The following EXOC2 variants were observed in gnomAD, a reference collection of about 807,000 sequenced individuals.
EXOC2 encodes the protein SEC5-like 1.
In EXOC2, 70 loss-of-function variants were observed where a neutral mutation model predicts 131.8. The observed-to-expected ratio is 0.53, with a 90% CI of 0.44 to 0.65. The LOEUF (loss-of-function observed/expected upper bound fraction) is 0.65, where lower values mean the gene tolerates loss of function less well. Ranked by LOEUF, EXOC2 falls within the 30% of genes least tolerant of loss-of-function variation. The pLI is 0.00. For missense variants in EXOC2, 923 were observed against 1,108.6 expected (o/e 0.83, Z 2.38); for synonymous variants, 411 against 398.4 (o/e 1.03, Z -0.38).
At chr6:559,325 A>C (rs951950166) in intron 17 of EXOC2, among the ~76,000 whole-genome samples, 1 of 152,242 alleles carries the variant, frequency 6.6e-6, no homozygotes, top group African/African-American at 2.4e-5. Context: ...TGGGATAAGC[A>C]ATGGGATTAT....
intron 7 of EXOC2, among the ~76,000 whole-genome samples, chr6:605,435 G>C (rs1760350904): frequency 6.6e-6 from 1 of 152,196 alleles, no homozygotes; most frequent in South Asian, 2.1e-4. Flanking sequence ...ACTTGGGAGG[G>C]TGTATGTGTC....
At chr6:490,026 A>G (rs1763333590) in intron 26 of EXOC2, among the ~76,000 whole-genome samples, 1 of 152,192 alleles carries the variant, frequency 6.6e-6, no homozygotes, top group Non-Finnish European at 1.5e-5. Context: ...CTGGTGTGGA[A>G]GCCACTGCCG....
intron 25 of EXOC2, among the ~76,000 whole-genome samples, chr6:495,396 T>C (rs1039530494): frequency 2.0e-5 from 3 of 150,858 alleles, no homozygotes; most frequent in African/African-American, 4.9e-5. Flanking sequence ...AGTGCTGGGA[T>C]TACAGGTGTG....
chr6:588,397 G>C (rs914958450), intron 11 of EXOC2, among the ~76,000 whole-genome samples: 6 of 152,202 alleles, frequency 3.9e-5, no homozygotes, highest in African/African-American at 1.4e-4. Flanking sequence ...CTGTTGCCCA[G>C]GCTGGAGTGC....
intron 7 of EXOC2, among the ~76,000 whole-genome samples, chr6:603,673 G>C (rs1760235310): frequency 6.6e-6 from 1 of 151,972 alleles, no homozygotes; most frequent in Non-Finnish European, 1.5e-5. Flanking sequence ...GCAAACGTCA[G>C]TTTCTTTTCC....
chr6:505,432 GTA>G (rs1399225135), intron 23 of EXOC2, among the ~76,000 whole-genome samples: 1 of 152,240 alleles, frequency 6.6e-6, no homozygotes, highest in Non-Finnish European at 1.5e-5. Context: ...TCATTACTGA[GTA>G]GTCACCTGGG....
chr6:611,216 C>T (rs1450653482), intron 6 of EXOC2, among the ~76,000 whole-genome samples: 1 of 152,220 alleles, frequency 6.6e-6, no homozygotes, highest in South Asian at 2.1e-4. Context: ...GAAAGCTAAA[C>T]TGGAAAGACT....
At chr6:498,554 G>A (rs147143149) in intron 24 of EXOC2, among the ~76,000 whole-genome samples, 131 of 152,298 alleles carry the variant, frequency 8.6e-4, no homozygotes, top group African/African-American at 3.1e-3. Flanking sequence ...AAACTCTATT[G>A]TTAGAGATGA....
intron 1 of EXOC2, among the ~76,000 whole-genome samples, chr6:647,698 C>T (rs1311336054): frequency 7.0e-6 from 1 of 143,858 alleles, no homozygotes; most frequent in Non-Finnish European, 1.5e-5. Context: ...ATTAGAATAC[C>T]TCTGGTCTCA....
At chr6:583,672 C>T (rs535406322) in intron 11 of EXOC2, among the ~76,000 whole-genome samples, 6 of 152,364 alleles carry the variant, frequency 3.9e-5, no homozygotes, top group Non-Finnish European at 5.9e-5. Flanking sequence ...TGTGCACATA[C>T]GCTGCATACA....
chr6:603,865 T>C (rs1008507202), intron 7 of EXOC2, among the ~76,000 whole-genome samples: 9 of 152,308 alleles, frequency 5.9e-5, no homozygotes, highest in Non-Finnish European at 1.3e-4. Flanking sequence ...TCCTTAAAAA[T>C]ATTTTCACTA....
Position 674,660 on chromosome 6 carries a change from G to T in EXOC2, c.-44+18359C>A, listed in dbSNP as rs537462778. ...ACTGTACTGATCTTTTCTCCTCTCT[G>T]CTACTAAATCCTAAAGCTGTGGTAC... On this transcript the variant is annotated intron_variant, in intron 1 of 27. Transcript: ENST00000230449. Among the ~76,000 whole-genome samples the T allele has an allele frequency of 6.6e-5, 10 of 152,032 alleles. No individual in the cohort carries two copies. In the East Asian group the frequency reaches 7.7e-4, roughly 12 times the overall value.
At chr6:489,708 C>A (rs1010241858) in intron 26 of EXOC2, among the ~76,000 whole-genome samples, 3 of 152,194 alleles carry the variant, frequency 2.0e-5, no homozygotes, top group African/African-American at 7.2e-5. Flanking sequence ...GTACCATTCA[C>A]AAAGGAACAG....
intron 11 of EXOC2, among the ~76,000 whole-genome samples, chr6:582,636 T>A (rs1405232442): frequency 1.8e-5 from 1 of 56,578 alleles, no homozygotes; most frequent in Non-Finnish European, 3.8e-5. Context: ...GGGGTGGGGG[T>A]GGGGGTGCGG....
chr6:498,378 ATGCT>A (rs1763858128), intron 24 of EXOC2, among the ~76,000 whole-genome samples: 1 of 152,222 alleles, frequency 6.6e-6, no homozygotes. Context: ...TACCGAAGAA[ATGCT>A]TGCAACAACT....
intron 1 of EXOC2, among the ~76,000 whole-genome samples, chr6:642,909 A>G (rs76865205): frequency 1.3e-5 from 2 of 151,250 alleles, no homozygotes; most frequent in Non-Finnish European, 2.9e-5. Context: ...TTAAAGTTGT[A>G]AAAGGCATTT....
chr6:608,239 G>A (rs184361883), intron 7 of EXOC2, among the ~76,000 whole-genome samples: 1 of 152,314 alleles, frequency 6.6e-6, no homozygotes, highest in Admixed American at 6.5e-5. Context: ...GGACTCTCTC[G>A]GGGCCAGAGC....
At chr6:659,481 C>T (rs560084572) in intron 1 of EXOC2, among the ~76,000 whole-genome samples, 1 of 152,302 alleles carries the variant, frequency 6.6e-6, no homozygotes, top group African/African-American at 2.4e-5. Flanking sequence ...AATCTCAGAC[C>T]CTCTGAAGGA....
chr6:606,824 A>T (rs985166685), intron 7 of EXOC2, among the ~76,000 whole-genome samples: 1 of 152,174 alleles, frequency 6.6e-6, no homozygotes, highest in Non-Finnish European at 1.5e-5. Context: ...GTCACTCTCC[A>T]TTTGGTGGAT....
Sources: allele counts gnomAD v4.1 joint callset (sites outside exome capture counted in the v4.1 genomes callset), GRCh38; gene constraint gnomAD v4.1.1; transcripts MANE v1.5; gene names NCBI Gene and HGNC (gene_info 2026-07-23, HGNC 2026-07-21).